MEF2B: variants seen among roughly 807,000 people sequenced by gnomAD.
The protein encoded by MEF2B is myocyte enhancer factor 2B.
A neutral mutation model predicts 32.2 loss-of-function variants in MEF2B; 15 were observed. That is an observed-to-expected ratio of 0.47 (90% CI 0.31 to 0.72). The LOEUF is 0.72. MEF2B is among the 30% of genes least tolerant of loss of function. The probability of loss-of-function intolerance (pLI) is 0.05; values close to 1 mark genes in which losing one functional copy is unlikely to be tolerated. For synonymous variants in MEF2B, 205 were observed against 225.6 expected, an observed-to-expected ratio of 0.91 and a Z score of 0.82; for missense variants, 441 against 511.5, an observed-to-expected ratio of 0.86 and a Z score of 1.33.
At chr19:19,162,126 TA>T (rs939435351) in intron 1 of MEF2B, among the ~76,000 whole-genome samples, 2 of 150,114 alleles carry the variant, frequency 1.3e-5, no homozygotes, top group Admixed American at 6.7e-5. Flanking sequence ...TAATTATTAT[TA>T]TTTTTTTTTG....
In MEF2B at chr19:19,150,514, A is replaced by G. The variant is rs561606039; in HGVS notation, c.54+168T>C. ...ACTCCAGGCTGGGCAACAGAGTGAG[A>G]CTTCATCTCAAAAAAAAAAAAAAAA... On this transcript the variant is annotated intron_variant, in intron 2 of 8. Coordinates refer to ENST00000424583, the MANE Select transcript of MEF2B (RefSeq NM_001145785.2). Among the ~76,000 whole-genome samples the G allele has an allele frequency of 1.5e-4, 19 of 130,018 alleles. No homozygotes were observed. In the East Asian group the frequency reaches 4.4e-3, roughly 30 times the overall value. The allele number at this position is 130,018 out of a possible 152,430, so 85.3% of individuals were successfully genotyped here. A position where few individuals can be genotyped will look rare whatever the true frequency, so the allele number is the denominator to read the frequency against.
At chr19:19,163,946 G>C (rs1005598301) in intron 1 of MEF2B, among the ~76,000 whole-genome samples, 2 of 152,200 alleles carry the variant, frequency 1.3e-5, no homozygotes, top group South Asian at 4.1e-4. Context: ...TGGGATTATA[G>C]AGGTGAGCCA....
chr19:19,168,268 C>CTTTTTT (rs1050853160), intron 1 of MEF2B, among the ~76,000 whole-genome samples: 21 of 98,982 alleles, frequency 2.1e-4, no homozygotes, highest in South Asian at 3.7e-4. Flanking sequence ...TTTCTTTCTT[C>CTTTTTT]TTTTTTTTTT....
chr19:19,153,129 C>A (rs58190593), intron 1 of MEF2B, among the ~76,000 whole-genome samples: 1 of 152,078 alleles, frequency 6.6e-6, no homozygotes, highest in African/African-American at 2.4e-5. Flanking sequence ...CAGGGTCCCA[C>A]GAGAGCAGCA....
chr19:19,162,830 G>A (rs1040849467), intron 1 of MEF2B, among the ~76,000 whole-genome samples: 3 of 152,288 alleles, frequency 2.0e-5, no homozygotes, highest in South Asian at 2.1e-4. Context: ...TCCTAAACCC[G>A]CCACTTGCCC....
Position 19,145,648 on chromosome 19 carries a change from T to C in MEF2B, c.*149A>G. On this transcript the variant is annotated 3_prime_UTR_variant, in exon 9 of 9. Coordinates refer to ENST00000424583, the MANE Select transcript of MEF2B (RefSeq NM_001145785.2). The surrounding 1 kb of genome is among the most constrained non-coding windows in gnomAD (Gnocchi z 4.6). Reference sequence around the variant, plus strand: ...AAGGAAAGGAGCCCCCCAGGGTGGATTGAGTCCAGCCGCCCACCTCCAAGC... The same window carrying C: ...AAGGAAAGGAGCCCCCCAGGGTGGACTGAGTCCAGCCGCCCACCTCCAAGC... The C allele has an allele frequency of 6.6e-7, 1 of 1,515,376 alleles. No homozygotes were observed. Among genetic ancestry groups the C allele is most frequent in the Non-Finnish European group, 8.9e-7 (1 of 1,127,648 alleles). The allele number at this position is 1,515,376 out of a possible 1,614,324, so 93.9% of individuals were successfully genotyped here.
At chr19:19,158,371 G>GC (rs143745026) in intron 1 of MEF2B, among the ~76,000 whole-genome samples, 146,110 of 146,122 alleles carry the variant, frequency 1, 73,049 homozygotes, top group Middle Eastern at 1. Flanking sequence ...ACAGGCGTGA[G>GC]CATGGGCGCC....
chr19:19,150,827 C>G (rs2146359634), intron 1 of MEF2B, 63 bp from the exon 2 acceptor site: 1 of 1,576,312 alleles, frequency 6.3e-7, no homozygotes, highest in African/African-American at 1.3e-5. Flanking sequence ...GTACCCCAGC[C>G]TCACACCTCT....
intron 3 of MEF2B, among the ~76,000 whole-genome samples, chr19:19,148,712 TTTA>T (rs1223233751): frequency 6.6e-5 from 10 of 151,144 alleles, no homozygotes; most frequent in African/African-American, 2.4e-4. Flanking sequence ...TATTTATTTA[TTTA>T]TTTATTTATT....
intron 1 of MEF2B, among the ~76,000 whole-genome samples, chr19:19,160,593 G>A (rs2060152736): frequency 2.0e-5 from 3 of 150,108 alleles, no homozygotes; most frequent in Admixed American, 2.0e-4. Flanking sequence ...AGGAACCCAG[G>A]CCGGGAAAGG....
chr19:19,145,943 C>G lies in MEF2B; in HGVS notation c.961G>C (p.Glu321Gln). Reference sequence around the variant, plus strand: ...CCCCCGGGGGCCGGAGAGAGGCGCTCAGACTTGATGCTGACTGGGGGGGTC... The same window carrying G: ...CCCCCGGGGGCCGGAGAGAGGCGCTGAGACTTGATGCTGACTGGGGGGGTC... ...PPTPPVSIKS[E>Q]RLSPAPGGPG... The change falls in exon 9 of 9, where the codon GAG becomes CAG. Residue 321 changes from glutamate (E) to glutamine (Q), a missense_variant. Physicochemically the swap from Glu to Gln is conservative, Grantham distance 29 (BLOSUM62 2). Coordinates refer to ENST00000424583, the MANE Select transcript of MEF2B (RefSeq NM_001145785.2). This position sits in a 1 kb window ranked among gnomAD's most constrained non-coding sequence, Gnocchi z 4.6. 2.1e-6 allele frequency: 3 copies of G among 1,444,618 alleles called. No individual in the cohort carries two copies. The highest frequency in any genetic ancestry group is 2.7e-6 in the Non-Finnish European group (3 of 1,099,708). The allele number at this position is 1,444,618 out of a possible 1,614,324, so 89.5% of individuals were successfully genotyped here. A position where few individuals can be genotyped will look rare whatever the true frequency, so the allele number is the denominator to read the frequency against.
chr19:19,149,118 C>T, intron 3 of MEF2B, 108 bp downstream of exon 3: 21 of 1,415,902 alleles, frequency 1.5e-5, no homozygotes, highest in Non-Finnish European at 2.0e-5. Context: ...ACGTCAGCCA[C>T]AAAGCCAGAT....
chr19:19,165,606 T>C (rs914597874), intron 1 of MEF2B, among the ~76,000 whole-genome samples: 9 of 151,646 alleles, frequency 5.9e-5, no homozygotes, highest in Admixed American at 2.0e-4. Context: ...CAGAGAGGCA[T>C]TGGGGGACAG....
Position 19,147,026 on chromosome 19 carries a change from C to T in MEF2B, c.541+10G>A, listed in dbSNP as rs113792287. ...AGGACCTCACCCCTGCCCCACTGTC[C>T]CATGCTCACCTGGGGGCCCGGCTTT... On this transcript the variant is annotated intron_variant, in intron 5 of 8. Transcript: ENST00000424583. The T allele has an allele frequency of 6.3e-7, 1 of 1,593,976 alleles. No individual in the cohort carries two copies. Among genetic ancestry groups the T allele is most frequent in the Admixed American group, 1.8e-5 (1 of 56,366 alleles).
intron 1 of MEF2B, among the ~76,000 whole-genome samples, chr19:19,161,834 G>A (rs906638741): frequency 1.3e-5 from 2 of 148,470 alleles, no homozygotes; most frequent in African/African-American, 5.0e-5. Context: ...GTGAGACAGA[G>A]TCTCACTTTG....
At chr19:19,148,357 T>A (rs1203152790) in intron 3 of MEF2B, among the ~76,000 whole-genome samples, 1 of 152,160 alleles carries the variant, frequency 6.6e-6, no homozygotes, top group Admixed American at 6.5e-5. Context: ...CAGAGCTATT[T>A]GGGAGGCTGA....
At chr19:19,170,172 A>C in intron 1 of MEF2B, 33 bp downstream of exon 1, 1 of 398,534 alleles carries the variant, frequency 2.5e-6, no homozygotes, top group Non-Finnish European at 4.4e-6. Context: ...TTCAGAGGAC[A>C]CCACAGGAGT....
At chr19:19,150,126 TGGAAGGAAGGAGGGAAGGAGGGAG>T (rs1254544569) in intron 2 of MEF2B, among the ~76,000 whole-genome samples, 158 of 45,392 alleles carry the variant, frequency 3.5e-3, no homozygotes, top group African/African-American at 0.013. Flanking sequence ...GAAGGAGGGA[TGGAAGGAAGGAGGGAAGGAGGGAG>T]GGAAGGAGGG....
At chr19:19,148,150 C>T (rs1351742224) in intron 3 of MEF2B, among the ~76,000 whole-genome samples, 2 of 152,274 alleles carry the variant, frequency 1.3e-5, no homozygotes, top group East Asian at 1.9e-4. Context: ...CCACTTGCAG[C>T]CTCATAGCCT....
Sources: allele counts gnomAD v4.1 joint callset (sites outside exome capture counted in the v4.1 genomes callset), GRCh38; gene constraint gnomAD v4.1.1; non-coding constraint Gnocchi (gnomAD v3.1); transcripts MANE v1.5; gene names NCBI Gene and HGNC (gene_info 2026-07-23, HGNC 2026-07-21).